PKD1L1: variants seen among roughly 807,000 people sequenced by gnomAD.
The protein encoded by PKD1L1 is polycystin 1 like 1, transient receptor potential channel interacting.
Under a neutral mutation model 323.4 loss-of-function variants are expected in PKD1L1, and 236 were observed. The observed-to-expected ratio is 0.73, with a 90% confidence interval of 0.66 to 0.81. The LOEUF (loss-of-function observed/expected upper bound fraction) is 0.81, where lower values mean the gene tolerates loss of function less well. Among genes scored for constraint, PKD1L1 ranks in the 40% least tolerant of loss-of-function variants. The pLI is 0.00. For synonymous variants in PKD1L1, 1,344 were observed against 1,335.0 expected (o/e 1.01, Z -0.15); for missense variants, 3,320 against 3,508.0 (o/e 0.95, Z 1.35).
chr7:47,947,480 G>T (rs892033395), intron 1 of PKD1L1, among the ~76,000 whole-genome samples: 5 of 152,234 alleles, frequency 3.3e-5, no homozygotes, highest in Admixed American at 3.3e-4. Flanking sequence ...GGGGACAGCG[G>T]TGACCCACCT....
At position 47,825,929 on chromosome 7, in the gene PKD1L1, T is replaced by C. The variant is rs1785232867; in HGVS notation, c.6854+1421A>G. 1.3e-5 allele frequency among the ~76,000 whole-genome samples: 2 copies of C among 152,260 alleles called. 1 individual carries two copies. Among genetic ancestry groups the C allele is most frequent in the South Asian group, 4.1e-4 (2 of 4,822 alleles). On this transcript the variant is annotated intron_variant, in intron 45 of 56. Coordinates refer to ENST00000289672, the MANE Select transcript of PKD1L1 (RefSeq NM_138295.5). ...TTCCTAAATGCTTTCTCTGGGCCTGTTCTGCTTGGTTTGGATGCTTCCCCC... is the reference window on the plus strand; with the variant it reads ...TTCCTAAATGCTTTCTCTGGGCCTGCTCTGCTTGGTTTGGATGCTTCCCCC...
At chr7:47,955,679 A>G in the PKD1L1 span, among the ~76,000 whole-genome samples, 1 of 152,220 alleles carries the variant, frequency 6.6e-6, no homozygotes, top group Non-Finnish European at 1.5e-5. Flanking sequence ...TTCCAGTATA[A>G]CAGTTCTATA....
chr7:47,837,886 C>G lies in PKD1L1; in HGVS notation c.5770-792G>C, dbSNP rs188003713. Among the ~76,000 whole-genome samples, 19 of 152,334 alleles carry G rather than the reference C, an allele frequency of 1.2e-4. No homozygotes were observed. The East Asian group carries it at 3.5e-3, about 28-fold the overall frequency. On this transcript the variant is annotated intron_variant, in intron 36 of 56. Coordinates refer to ENST00000289672, the MANE Select transcript of PKD1L1 (RefSeq NM_138295.5). ...AGAAGCGAATGCCAGAAAAATCGTACTAACAGAATGAGAATATATCTTCTT... is the reference window on the plus strand; with the variant it reads ...AGAAGCGAATGCCAGAAAAATCGTAGTAACAGAATGAGAATATATCTTCTT...
intron 53 of PKD1L1, among the ~76,000 whole-genome samples, chr7:47,802,268 T>C (rs3926198): frequency 0.44 from 66,894 of 151,192 alleles, 15,572 homozygotes; most frequent in East Asian, 0.6. Context: ...ACTCCATAAA[T>C]TCTACATGCA....
chr7:47,879,860 G>A (rs1786497141), intron 21 of PKD1L1, among the ~76,000 whole-genome samples: 1 of 127,232 alleles, frequency 7.9e-6, no homozygotes, highest in Non-Finnish European at 1.6e-5. Flanking sequence ...GTGAACCTGG[G>A]AGGCAGAGCT....
At chr7:47,934,760 G>C (rs1051084838) in intron 4 of PKD1L1, among the ~76,000 whole-genome samples, 8 of 152,136 alleles carry the variant, frequency 5.3e-5, no homozygotes, top group Non-Finnish European at 8.8e-5. Flanking sequence ...TGGCTTGGGG[G>C]TGGGGGGATT....
chr7:47,793,770 T>C (rs888274229), intron 55 of PKD1L1, among the ~76,000 whole-genome samples: 1 of 152,198 alleles, frequency 6.6e-6, no homozygotes, highest in Non-Finnish European at 1.5e-5. Flanking sequence ...TGGGAAAGTT[T>C]GGAACCTCCT....
intron 27 of PKD1L1, 119 bp from the exon 28 acceptor site, chr7:47,857,951 G>T: frequency 1.1e-6 from 1 of 947,570 alleles, no homozygotes; most frequent in Non-Finnish European, 1.6e-6. Flanking sequence ...TAGATTGGAT[G>T]GCAGGAAGCA....
At chr7:47,808,203 C>A in intron 52 of PKD1L1, 44 bp downstream of exon 52, 1 of 1,601,176 alleles carries the variant, frequency 6.2e-7, no homozygotes, top group Non-Finnish European at 8.5e-7. Flanking sequence ...GATGGCATCA[C>A]AGTGCATGGC....
Position 47,898,107 on chromosome 7 carries a change from T to A in PKD1L1, c.2152A>T (p.Asn718Tyr). 1 of 1,614,068 alleles carries A rather than the reference T, an allele frequency of 6.2e-7. No individual in the cohort carries two copies. The highest frequency in any genetic ancestry group is 2.2e-5 in the East Asian group (1 of 44,878). Residue 718 changes from asparagine (N) to tyrosine (Y), a missense_variant, in exon 14 of 57, where the codon AAC becomes TAC. Asn to Tyr is a moderately radical substitution (Grantham distance 143). Transcript: ENST00000289672. Reference protein sequence around the residue: ...DISQGLSYTWNLMDSEGLPVS... With the variant: ...DISQGLSYTWYLMDSEGLPVS... Reference sequence around the variant, plus strand: ...GGGAGCCCTTCAGAGTCCATCAAGTTCCAGGTGTAAGAAAGACCTTGGGAA... The same window carrying A: ...GGGAGCCCTTCAGAGTCCATCAAGTACCAGGTGTAAGAAAGACCTTGGGAA...
At chr7:47,958,956 C>T in the PKD1L1 span, among the ~76,000 whole-genome samples, 3 of 152,208 alleles carry the variant, frequency 2.0e-5, no homozygotes, top group Non-Finnish European at 2.9e-5. Flanking sequence ...CGAGTGCCTG[C>T]GATTGCAGGC....
intron 52 of PKD1L1, among the ~76,000 whole-genome samples, chr7:47,807,706 C>T (rs566454262): frequency 6.6e-6 from 1 of 152,272 alleles, no homozygotes; most frequent in Admixed American, 6.5e-5. Flanking sequence ...TGCACATTTG[C>T]CTGGTCCTCC....
chr7:47,814,431 G>C (rs1482344832), intron 47 of PKD1L1, among the ~76,000 whole-genome samples: 1 of 152,206 alleles, frequency 6.6e-6, no homozygotes, highest in East Asian at 1.9e-4. Context: ...CCAGGCTGGA[G>C]TGCAGTGGTG....
intron 56 of PKD1L1, among the ~76,000 whole-genome samples, chr7:47,778,704 A>G (rs116158467): frequency 0.012 from 1,855 of 152,346 alleles, 40 homozygotes; most frequent in African/African-American, 0.042. Flanking sequence ...TTTAAAAGTC[A>G]TCCTCATCTT....
At chr7:47,856,622 G>T (rs531167956) in intron 28 of PKD1L1, among the ~76,000 whole-genome samples, 30 of 152,220 alleles carry the variant, frequency 2.0e-4, no homozygotes, top group South Asian at 2.1e-4. Context: ...TCACACTGCC[G>T]AGCACCCTGG....
At chr7:47,863,737 G>A (rs979090636) in intron 26 of PKD1L1, among the ~76,000 whole-genome samples, 1 of 152,086 alleles carries the variant, frequency 6.6e-6, no homozygotes, top group Admixed American at 6.6e-5. Context: ...TAAAATGCAC[G>A]AGAAGCCAGG....
chr7:47,872,973 T>G (rs1786315137), intron 24 of PKD1L1, among the ~76,000 whole-genome samples: 1 of 152,218 alleles, frequency 6.6e-6, no homozygotes, highest in African/African-American at 2.4e-5. Flanking sequence ...TAAAATATTA[T>G]TCAGCAACAA....
chr7:47,846,931 A>T lies in PKD1L1; in HGVS notation c.5101T>A (p.Ser1701Thr), dbSNP rs1317004732. 1 of 1,613,854 alleles carries T rather than the reference A, an allele frequency of 6.2e-7. No individual in the cohort carries two copies. The highest frequency in any genetic ancestry group is 2.2e-5 in the East Asian group (1 of 44,880). Reference protein sequence around the residue: ...CLFWDKREWKSERFSPQPGTS... With the variant: ...CLFWDKREWKTERFSPQPGTS... ...CCTGGTTGTGGAGAGAAACGTTCAGATTTCCACTCTCTCTTGTCCCAAAAC... is the reference window on the plus strand; with the variant it reads ...CCTGGTTGTGGAGAGAAACGTTCAGTTTTCCACTCTCTCTTGTCCCAAAAC... The change falls in exon 32 of 57, where the codon TCT (serine) becomes ACT (threonine). Residue 1701 changes from serine (S) to threonine (T), a missense_variant. Physicochemically the swap from Ser to Thr is moderately conservative, Grantham distance 58. Transcript: ENST00000289672.
intron 24 of PKD1L1, among the ~76,000 whole-genome samples, chr7:47,868,889 A>G (rs528661119): frequency 6.6e-6 from 1 of 152,348 alleles, no homozygotes; most frequent in South Asian, 2.1e-4. Context: ...AAAAATAAAA[A>G]GACAGAAAAT....
Sources: gnomAD v4.1 joint callset for allele counts (sites outside exome capture counted in the v4.1 genomes callset) on GRCh38, gnomAD v4.1.1 for gene constraint, MANE v1.5 for transcripts, NCBI Gene and HGNC (gene_info 2026-07-23, HGNC 2026-07-21) for gene names.